The following PCLO variants were observed in gnomAD, a reference collection of about 807,000 sequenced individuals.
The protein encoded by PCLO is protein piccolo.
In PCLO, 82 loss-of-function variants were observed where a neutral mutation model predicts 427.5. The ratio of observed to expected loss-of-function variants is 0.19; its 90% CI spans 0.16 to 0.23. The LOEUF (loss-of-function observed/expected upper bound fraction) is 0.23, where lower values mean the gene tolerates loss of function less well. PCLO is among the 10% of genes least tolerant of loss of function. The probability of loss-of-function intolerance (pLI) is 1.00; values close to 1 mark genes in which losing one functional copy is unlikely to be tolerated. For synonymous variants in PCLO, 2,357 were observed against 2,155.4 expected, an observed-to-expected ratio of 1.09 and a Z score of -2.59; for missense variants, 6,239 against 6,115.9, an observed-to-expected ratio of 1.02 and a Z score of -0.67.
intron 2 of PCLO, among the ~76,000 whole-genome samples, chr7:83,154,440 T>C (rs28393457): frequency 2.0e-3 from 300 of 152,302 alleles, no homozygotes; most frequent in African/African-American, 6.9e-3. Flanking sequence ...GTTAAAGCAA[T>C]ACCATTGTAT....
chr7:83,090,636 T>C (rs923210858), intron 3 of PCLO, among the ~76,000 whole-genome samples: 4 of 151,962 alleles, frequency 2.6e-5, no homozygotes, highest in Non-Finnish European at 5.9e-5. Flanking sequence ...AACACACAAA[T>C]CTGTGATGGG....
intron 3 of PCLO, among the ~76,000 whole-genome samples, chr7:83,047,587 G>A (rs1789134909): frequency 6.6e-6 from 1 of 151,892 alleles, no homozygotes; most frequent in South Asian, 2.1e-4. Context: ...CCCACAATAT[G>A]TATATATGTA....
intron 3 of PCLO, among the ~76,000 whole-genome samples, chr7:83,097,571 A>T (rs544697393): frequency 1.4e-5 from 2 of 147,792 alleles, no homozygotes; most frequent in Admixed American, 6.8e-5. Flanking sequence ...TTATATATAT[A>T]TTTTATTTGT....
chr7:83,101,296 TA>T (rs2116488011), intron 3 of PCLO, among the ~76,000 whole-genome samples: 1 of 151,838 alleles, frequency 6.6e-6, no homozygotes, highest in East Asian at 1.9e-4. Context: ...AGTAAAGATA[TA>T]AAACAGGAAA....
chr7:82,945,111 C>G (rs1795170329), intron 6 of PCLO, among the ~76,000 whole-genome samples: 1 of 151,920 alleles, frequency 6.6e-6, no homozygotes, highest in African/African-American at 2.4e-5. Context: ...GTGTTTGTGT[C>G]TCTTGGGATT....
At position 82,775,285 on chromosome 7, in the gene PCLO, G is replaced by A. The variant is rs1230806861; in HGVS notation, c.15008-13792C>T. Among the ~76,000 whole-genome samples, 21 of 152,142 alleles carry A rather than the reference G, an allele frequency of 1.4e-4. 1 individual carries two copies. Among genetic ancestry groups the A allele is most frequent in the Admixed American group, 1.4e-3 (21 of 15,270 alleles). On this transcript the variant is annotated intron_variant, in intron 22 of 24. Transcript: ENST00000333891. ...ATGATTGTGGAATCATATAGTAAGA[G>A]CATATTTAATGTTGTATAAAATCGC...
intron 3 of PCLO, among the ~76,000 whole-genome samples, chr7:83,105,420 T>G (rs1365952052): frequency 6.6e-6 from 1 of 152,178 alleles, no homozygotes; most frequent in Non-Finnish European, 1.5e-5. Flanking sequence ...ATATCCTCAG[T>G]CCAATTACTT....
At position 82,845,274 on chromosome 7, in the gene PCLO, G is replaced by T; in HGVS notation, c.14043C>A (p.Ser4681Arg). The change falls in exon 13 of 25, where the codon AGC becomes AGA. Residue 4681 changes from serine to arginine, a missense_variant. Coordinates refer to ENST00000333891, the MANE Select transcript of PCLO (RefSeq NM_033026.6). ...PSVSKKKHGS[S>R]KPTDGTKVVS... ...AGGTCACATCAACAATCCTCACCTT[G>T]CTGCTGCCGTGCTTCTTTTTGCTCA... The T allele has an allele frequency of 1.2e-6, 2 of 1,612,188 alleles. No individual in the cohort carries two copies. Among genetic ancestry groups the T allele is most frequent in the Non-Finnish European group, 1.7e-6 (2 of 1,178,670 alleles).
chr7:82,807,556 C>A (rs1357779525), intron 20 of PCLO, among the ~76,000 whole-genome samples: 5 of 152,042 alleles, frequency 3.3e-5, no homozygotes, highest in African/African-American at 1.2e-4. Context: ...GAAATCCACC[C>A]TCAGGGTAGC....
chr7:82,856,760 T>C (rs948658853), intron 10 of PCLO, among the ~76,000 whole-genome samples: 46 of 152,208 alleles, frequency 3.0e-4, no homozygotes, highest in African/African-American at 1.1e-3. Flanking sequence ...AATAAAATGA[T>C]ATTAACAGAT....
intron 3 of PCLO, among the ~76,000 whole-genome samples, chr7:83,030,114 T>TAAAAA (rs1788624178): frequency 2.2e-5 from 1 of 45,000 alleles, no homozygotes; most frequent in Admixed American, 1.9e-4. Flanking sequence ...AGTATAATAA[T>TAAAAA]AAAAGAAAAA....
At chr7:83,057,308 TTATATATACATATATATATATATATA>T (rs1789405981) in intron 3 of PCLO, among the ~76,000 whole-genome samples, 1 of 85,622 alleles carries the variant, frequency 1.2e-5, no homozygotes, top group Admixed American at 1.7e-4. Flanking sequence ...AAAATAATCA[TTATATATACATATATATATATATATA>T]TATATATATA....
At chr7:83,062,624 G>T (rs1023344039) in intron 3 of PCLO, among the ~76,000 whole-genome samples, 1 of 152,142 alleles carries the variant, frequency 6.6e-6, no homozygotes, top group Non-Finnish European at 1.5e-5. Flanking sequence ...TTCTATGTGT[G>T]AGGCAGGTAC....
At position 82,887,079 on chromosome 7, in the gene PCLO, T is replaced by A. The variant is rs151024526; in HGVS notation, c.13529-7617A>T. On this transcript the variant is annotated intron_variant, in intron 9 of 24. Coordinates refer to ENST00000333891, the MANE Select transcript of PCLO (RefSeq NM_033026.6). ...AGTAACACTTGCAAAGTTTCTCCTA[T>A]GTGTCTGACACTATCCCGTAGCTTT... Among the ~76,000 whole-genome samples, 1,195 of 152,330 alleles carry A rather than the reference T, an allele frequency of 7.8e-3. 6 individuals are homozygous for A. The highest frequency in any genetic ancestry group is 0.017 in the Middle Eastern group (5 of 294).
intron 3 of PCLO, among the ~76,000 whole-genome samples, chr7:83,133,062 A>G (rs576423990): frequency 6.6e-6 from 1 of 152,180 alleles, no homozygotes; most frequent in African/African-American, 2.4e-5. Flanking sequence ...AGGAAAAAAA[A>G]TCTGCTTAAA....
chr7:82,871,072 T>C (rs1187270617), intron 10 of PCLO, among the ~76,000 whole-genome samples: 1 of 151,792 alleles, frequency 6.6e-6, no homozygotes, highest in Non-Finnish European at 1.5e-5. Context: ...AAACCAAAAA[T>C]AGAACTACCA....
intron 10 of PCLO, among the ~76,000 whole-genome samples, chr7:82,851,418 T>C (rs1792651315): frequency 6.6e-6 from 1 of 152,040 alleles, no homozygotes; most frequent in Non-Finnish European, 1.5e-5. Context: ...TAGGGCAATG[T>C]TATTTATGTT....
intron 3 of PCLO, among the ~76,000 whole-genome samples, chr7:83,004,373 T>A (rs1321187085): frequency 2.6e-5 from 4 of 151,844 alleles, no homozygotes; most frequent in Middle Eastern, 3.4e-3. Flanking sequence ...TCAACTAATC[T>A]TCAACAAAGA....
Position 82,915,116 on chromosome 7 carries a change from T to C in PCLO, c.12870A>G (p.Arg4290=), listed in dbSNP as rs1379833715. 6.3e-7 allele frequency: 1 copy of C among 1,591,326 alleles called. No individual in the cohort carries two copies. The highest frequency in any genetic ancestry group is 1.1e-5 in the South Asian group (1 of 89,130). The part of the protein sequence containing the change: ...DKPYSSGSRS[R]PSSRPSSVYG... Reference sequence around the variant, plus strand: ...AGACAGAGGAAGGTCTGGAGGAAGGTCTGGACCTGCTGCCACTACTGTATG... The same window carrying C: ...AGACAGAGGAAGGTCTGGAGGAAGGCCTGGACCTGCTGCCACTACTGTATG... Residue 4290 remains arginine (R), a synonymous_variant, in exon 7 of 25, where the codon AGA becomes AGG. Transcript: ENST00000333891.
Sources: gnomAD v4.1 joint callset for allele counts (sites outside exome capture counted in the v4.1 genomes callset) on GRCh38, gnomAD v4.1.1 for gene constraint, MANE v1.5 for transcripts, NCBI Gene and HGNC (gene_info 2026-07-23, HGNC 2026-07-21) for gene names.